Variants in SLC39A10 observed in about 807,000 individuals in gnomAD.
SLC39A10 encodes solute carrier family 39 member 10.
In SLC39A10, 13 loss-of-function variants were observed where a neutral mutation model predicts 65.1. That is an observed-to-expected ratio of 0.20 (90% CI 0.13 to 0.32). The LOEUF is 0.32. SLC39A10 is among the 10% of genes least tolerant of loss of function. The pLI, the probability that SLC39A10 is intolerant of heterozygous loss-of-function variation, is 1.00. For synonymous variants in SLC39A10, 321 were observed against 342.2 expected (o/e 0.94, Z 0.68); for missense variants, 831 against 1,018.4 (o/e 0.82, Z 2.50).
At chr2:195,623,900 ACCAC>A in intron 2 of SLC39A10, among the ~76,000 whole-genome samples, 1 of 99,666 alleles carries the variant, frequency 1.0e-5, no homozygotes, top group East Asian at 3.6e-4. Context: ...TAAACAAAAA[ACCAC>A]ACACACACAC....
At chr2:195,733,648 A>G (rs533218343) in intron 9 of SLC39A10, among the ~76,000 whole-genome samples, 1 of 152,118 alleles carries the variant, frequency 6.6e-6, no homozygotes, top group Admixed American at 6.5e-5. Context: ...CTCCTGCCTC[A>G]GCCTCCTGAG....
At chr2:195,614,873 G>A (rs1688173229) in intron 2 of SLC39A10, among the ~76,000 whole-genome samples, 1 of 152,058 alleles carries the variant, frequency 6.6e-6, no homozygotes, top group Non-Finnish European at 1.5e-5. Flanking sequence ...AGGCAACATA[G>A]CAAGACCCTG....
intron 3 of SLC39A10, among the ~76,000 whole-genome samples, chr2:195,704,798 TG>T (rs1249396871): frequency 6.6e-6 from 1 of 151,628 alleles, no homozygotes; most frequent in Non-Finnish European, 1.5e-5. Context: ...TTGTTGTTGT[TG>T]TTTGTTTGTT....
Position 195,627,025 on chromosome 2 carries a change from A to T in SLC39A10, c.-12+20792A>T, listed in dbSNP as rs1340640206. ...TTAATCTGTATTTCTGGGGGAAAAT[A>T]TATTCATGATTATGCATCAGTATAT... On this transcript the variant is annotated intron_variant, in intron 2 of 2. Transcript: ENST00000458054. 2.6e-5 allele frequency among the ~76,000 whole-genome samples: 4 copies of T among 152,170 alleles called. No homozygotes were observed. In the East Asian group the frequency reaches 7.7e-4, roughly 29 times the overall value.
At chr2:195,676,687 G>A (rs967552778) in intron 1 of SLC39A10, among the ~76,000 whole-genome samples, 2 of 152,032 alleles carry the variant, frequency 1.3e-5, no homozygotes, top group Non-Finnish European at 2.9e-5. Flanking sequence ...TGTTATTTTC[G>A]TTAGTATAAT....
intron 3 of SLC39A10, among the ~76,000 whole-genome samples, chr2:195,689,979 C>T (rs893383847): frequency 2.0e-5 from 3 of 151,948 alleles, no homozygotes; most frequent in Admixed American, 1.3e-4. Flanking sequence ...GAGTTCGAGA[C>T]CAGCCTGACC....
intron 3 of SLC39A10, among the ~76,000 whole-genome samples, chr2:195,690,020 T>C (rs1364064393): frequency 6.6e-6 from 1 of 151,598 alleles, no homozygotes; most frequent in East Asian, 1.9e-4. Flanking sequence ...CTACTAAAAA[T>C]ACAAAAATTA....
rs528143596 is a variant in SLC39A10 at position 195,723,236 on chromosome 2, G to A, written c.2146+4904G>A. On this transcript the variant is annotated intron_variant, in intron 8 of 9. Transcript: ENST00000359634. ...GGTGTGGTAATGGGTTAAATTGCCT[G>A]AATTACTAAGTCACTACTCTCTTTT... Among the ~76,000 whole-genome samples, 3 of 152,264 alleles carry A rather than the reference G, an allele frequency of 2.0e-5. No individual in the cohort carries two copies. In the South Asian group the frequency reaches 6.2e-4, roughly 32 times the overall value.
intron 2 of SLC39A10, among the ~76,000 whole-genome samples, chr2:195,644,084 C>T (rs985951462): frequency 7.9e-5 from 12 of 151,194 alleles, no homozygotes; most frequent in Non-Finnish European, 1.5e-4. Context: ...TATAAACAGG[C>T]GTATTAGAGC....
chr2:195,664,556 T>C (rs1689560196), intron 1 of SLC39A10, among the ~76,000 whole-genome samples: 1 of 152,142 alleles, frequency 6.6e-6, no homozygotes, highest in Non-Finnish European at 1.5e-5. Flanking sequence ...GCAGAAAATG[T>C]GACTGAATCA....
At position 195,728,134 on chromosome 2, in the gene SLC39A10, C is replaced by T. The variant is rs1485835736; in HGVS notation, c.2147-25C>T. ...TGTTTTAAATCCTGTGGTTTTAAAA[C>T]ATTCCCATTGTTTCTTAATTGCAGG... On this transcript the variant is annotated intron_variant, in intron 8 of 9. Transcript: ENST00000359634. The surrounding 1 kb of genome is among the most constrained non-coding windows in gnomAD (Gnocchi z 4.4). 8.8e-6 allele frequency: 14 copies of T among 1,584,898 alleles called. No individual in the cohort carries two copies. The Admixed American group carries it at 2.2e-4, about 25-fold the overall frequency.
At chr2:195,701,432 ATTCTT>A (rs1191692259) in intron 3 of SLC39A10, among the ~76,000 whole-genome samples, 1 of 12,518 alleles carries the variant, frequency 8.0e-5, no homozygotes, top group Non-Finnish European at 1.6e-4. Context: ...AGTTTCTGTG[ATTCTT>A]TTTTTTTTTT....
Position 195,728,331 on chromosome 2 carries a change from T to C in SLC39A10, c.2319T>C (p.Tyr773=). The stretch of plus-strand genomic sequence containing the variant: ...CAGTCACTGCAGGCATGTTCCTCTA[T>C]GTAGCCTTGGTGGATATGGTAAGAT... ...IFAVTAGMFL[Y]VALVDMLPEM... is the part of the protein sequence containing the mutation. Residue 773 remains tyrosine (Y), a synonymous_variant, in exon 9 of 10, where the codon TAT becomes TAC. Coordinates refer to ENST00000359634, the MANE Select transcript of SLC39A10 (RefSeq NM_020342.3). The surrounding 1 kb of genome is among the most constrained non-coding windows in gnomAD (Gnocchi z 4.4). 3 of 1,613,568 alleles carry C rather than the reference T, an allele frequency of 1.9e-6. No individual in the cohort carries two copies. The highest frequency in any genetic ancestry group is 1.1e-5 in the South Asian group (1 of 90,970).
At chr2:195,640,594 G>T (rs1688795055) in intron 2 of SLC39A10, among the ~76,000 whole-genome samples, 1 of 152,056 alleles carries the variant, frequency 6.6e-6, no homozygotes, top group South Asian at 2.1e-4. Context: ...CAACAGTGCA[G>T]GATTATAGAG....
intron 3 of SLC39A10, among the ~76,000 whole-genome samples, chr2:195,704,939 A>G (rs1273709376): frequency 2.0e-5 from 3 of 152,148 alleles, no homozygotes; most frequent in Non-Finnish European, 4.4e-5. Context: ...CTGGGGCTAC[A>G]GGCATGTACC....
At chr2:195,641,514 C>T (rs1276609884) in intron 2 of SLC39A10, among the ~76,000 whole-genome samples, 1 of 152,020 alleles carries the variant, frequency 6.6e-6, no homozygotes, top group African/African-American at 2.4e-5. Flanking sequence ...AAAATGTTAG[C>T]ATGTAATCAA....
At chr2:195,647,794 G>A (rs900893325) in intron 2 of SLC39A10, among the ~76,000 whole-genome samples, 1 of 151,430 alleles carries the variant, frequency 6.6e-6, no homozygotes, top group Non-Finnish European at 1.5e-5. Context: ...AGAGTGGCTT[G>A]CACACAATAA....
intron 1 of SLC39A10, among the ~76,000 whole-genome samples, chr2:195,664,312 T>TA (rs1267049448): frequency 1.3e-5 from 2 of 152,084 alleles, no homozygotes; most frequent in Non-Finnish European, 2.9e-5. Flanking sequence ...AAAAAAGAAA[T>TA]AGATGTTAGG....
Position 195,683,767 on chromosome 2 carries a change from A to G in SLC39A10, c.1077A>G (p.Leu359=). Residue 359 remains leucine (L), a synonymous_variant, in exon 3 of 10, where the codon TTA becomes TTG. Coordinates refer to ENST00000359634, the MANE Select transcript of SLC39A10 (RefSeq NM_020342.3). ...CCAACTCTCCCATCTCAACTGATTT[A>G]TTTACATACCTTTGCCCTGCATTGT... ...HGANSPISTD[L]FTYLCPALLY... 6.2e-7 allele frequency: 1 copy of G among 1,613,422 alleles called. No homozygotes were observed. The highest frequency in any genetic ancestry group is 8.5e-7 in the Non-Finnish European group (1 of 1,179,506).
Sources: gnomAD v4.1 joint callset for allele counts (sites outside exome capture counted in the v4.1 genomes callset) on GRCh38, gnomAD v4.1.1 for gene constraint, Gnocchi (gnomAD v3.1) non-coding constraint, MANE v1.5 for transcripts, NCBI Gene and HGNC (gene_info 2026-07-23, HGNC 2026-07-21) for gene names.